RALYL: variants seen among roughly 807,000 people sequenced by gnomAD.
The protein encoded by RALYL is RNA-binding Raly-like protein.
RALYL carries 29 observed loss-of-function variants against 35.1 expected under a neutral mutation model. The ratio of observed to expected loss-of-function variants is 0.83; its 90% CI spans 0.61 to 1.13. RALYL has a LOEUF of 1.13. RALYL is among the 50% of genes most tolerant of loss of function. RALYL has a pLI of 0.00. For missense variants in RALYL, 359 were observed against 360.4 expected, an observed-to-expected ratio of 1.00 and a Z score of 0.03; for synonymous variants, 120 against 127.6, an observed-to-expected ratio of 0.94 and a Z score of 0.40.
chr8:84,757,443 C>A (rs1373264440), intron 2 of RALYL, among the ~76,000 whole-genome samples: 1 of 152,106 alleles, frequency 6.6e-6, no homozygotes, highest in African/African-American at 2.4e-5. Flanking sequence ...TGCCGATGTG[C>A]AGTTTGTATA....
intron 1 of RALYL, among the ~76,000 whole-genome samples, chr8:84,519,644 G>A (rs1263635057): frequency 6.6e-6 from 1 of 152,162 alleles, no homozygotes; most frequent in African/African-American, 2.4e-5. Context: ...AAGCATTTCA[G>A]AATTATTTTT....
intron 1 of RALYL, among the ~76,000 whole-genome samples, chr8:84,357,148 A>G (rs1851996764): frequency 6.6e-6 from 1 of 152,114 alleles, no homozygotes; most frequent in Non-Finnish European, 1.5e-5. Context: ...CAATTATTTG[A>G]TAACACACTT....
intron 1 of RALYL, among the ~76,000 whole-genome samples, chr8:84,215,614 A>G (rs1820627662): frequency 6.6e-6 from 1 of 151,798 alleles, no homozygotes; most frequent in Non-Finnish European, 1.5e-5. Context: ...TTCTATCTGT[A>G]GCTGCTTCTC....
chr8:84,413,312 A>T (rs1430274503), intron 1 of RALYL, among the ~76,000 whole-genome samples: 1 of 151,598 alleles, frequency 6.6e-6, no homozygotes, highest in Non-Finnish European at 1.5e-5. Context: ...CTAATTCCAA[A>T]GAATTATAAA....
intron 1 of RALYL, among the ~76,000 whole-genome samples, chr8:84,499,367 A>T (rs2056424875): frequency 6.6e-6 from 1 of 152,212 alleles, no homozygotes; most frequent in Non-Finnish European, 1.5e-5. Context: ...GGGAGTAAAA[A>T]TTAAGTTAGT....
chr8:84,489,385 A>T (rs1306656917), intron 1 of RALYL, among the ~76,000 whole-genome samples: 1 of 152,112 alleles, frequency 6.6e-6, no homozygotes, highest in African/African-American at 2.4e-5. Context: ...AAACTTCTAG[A>T]TCTAAGACGA....
At chr8:84,225,857 GTAT>G (rs1313678769) in intron 1 of RALYL, among the ~76,000 whole-genome samples, 2 of 152,002 alleles carry the variant, frequency 1.3e-5, no homozygotes, top group Non-Finnish European at 2.9e-5. Flanking sequence ...TATTTCTATT[GTAT>G]TATTATCACT....
intron 2 of RALYL, chr8:84,706,110 ATACT>A: frequency 6.7e-7 from 1 of 1,501,724 alleles, no homozygotes; most frequent in South Asian, 1.2e-5. Flanking sequence ...TAGGGAAAAC[ATACT>A]TGATTTCTTA....
chr8:84,804,307 T>G (rs1400746264), intron 3 of RALYL, among the ~76,000 whole-genome samples: 1 of 152,172 alleles, frequency 6.6e-6, no homozygotes, highest in African/African-American at 2.4e-5. Context: ...TAAGGGGTGT[T>G]AAGACCAATA....
intron 8 of RALYL, among the ~76,000 whole-genome samples, chr8:84,907,572 C>T (rs1846744940): frequency 6.6e-6 from 1 of 152,058 alleles, no homozygotes; most frequent in African/African-American, 2.4e-5. Context: ...TCATAAGAGG[C>T]AGAATCAACC....
chr8:84,436,257 C>T (rs139598662), intron 1 of RALYL, among the ~76,000 whole-genome samples: 3 of 152,104 alleles, frequency 2.0e-5, no homozygotes, highest in Non-Finnish European at 4.4e-5. Flanking sequence ...ATGCTGACAG[C>T]TGAATGAAAA....
chr8:84,230,765 A>G (rs568272926), intron 1 of RALYL, among the ~76,000 whole-genome samples: 16 of 152,300 alleles, frequency 1.1e-4, no homozygotes, highest in African/African-American at 3.8e-4. Context: ...ACTTAATTCT[A>G]ATAATATTCT....
chr8:84,676,639 C>T (rs1834245701), intron 2 of RALYL, among the ~76,000 whole-genome samples: 1 of 152,070 alleles, frequency 6.6e-6, no homozygotes, highest in Non-Finnish European at 1.5e-5. Context: ...TTCTGGATTT[C>T]AAGAAGCTAT....
rs142051114 is a variant in RALYL, at chr8:84,859,538, C to T, written c.414-2758C>T. 5.9e-3 allele frequency among the ~76,000 whole-genome samples: 896 copies of T among 152,190 alleles called. 9 individuals carry two copies. Among genetic ancestry groups the T allele is most frequent in the East Asian group, 0.022 (115 of 5,178 alleles). Reference sequence around the variant, plus strand: ...AAAGTGGAAGAAAGAATTGGTAAAACGTTACCCAATACCTTGGTGAAAGTC... The same window carrying T: ...AAAGTGGAAGAAAGAATTGGTAAAATGTTACCCAATACCTTGGTGAAAGTC... On this transcript the variant is annotated intron_variant, in intron 5 of 8. Coordinates refer to ENST00000521268, the MANE Select transcript of RALYL (RefSeq NM_173848.7).
At chr8:84,536,187 C>A (rs2059594294) in intron 2 of RALYL, among the ~76,000 whole-genome samples, 1 of 152,068 alleles carries the variant, frequency 6.6e-6, no homozygotes, top group Admixed American at 6.5e-5. Flanking sequence ...TGATTTTTCT[C>A]CGTTAGATCC....
At chr8:84,837,467 G>A (rs932049184) in intron 4 of RALYL, among the ~76,000 whole-genome samples, 22 of 152,054 alleles carry the variant, frequency 1.4e-4, no homozygotes, top group Non-Finnish European at 2.2e-4. Context: ...AATGAAGTTC[G>A]GTGAGGGAAA....
At chr8:84,199,774 C>T (rs1177418072) in intron 1 of RALYL, among the ~76,000 whole-genome samples, 1 of 152,154 alleles carries the variant, frequency 6.6e-6, no homozygotes, top group Non-Finnish European at 1.5e-5. Flanking sequence ...AATGCATGTT[C>T]TTGGCACCTT....
At chr8:84,699,068 T>C (rs1213625558) in intron 2 of RALYL, among the ~76,000 whole-genome samples, 1 of 149,456 alleles carries the variant, frequency 6.7e-6, no homozygotes, top group African/African-American at 2.5e-5. Flanking sequence ...GATAAATAGA[T>C]AACAGATGAA....
At chr8:84,495,878 A>AT (rs1436330647) in intron 1 of RALYL, among the ~76,000 whole-genome samples, 1 of 152,120 alleles carries the variant, frequency 6.6e-6, no homozygotes, top group East Asian at 1.9e-4. Flanking sequence ...TGTTATTAGT[A>AT]TTTTGTAATG....
Sources: gnomAD v4.1 joint callset for allele counts (sites outside exome capture counted in the v4.1 genomes callset) on GRCh38, gnomAD v4.1.1 for gene constraint, MANE v1.5 for transcripts, NCBI Gene and HGNC (gene_info 2026-07-23, HGNC 2026-07-21) for gene names.